Variants in NPAS3 observed in about 807,000 individuals in gnomAD.
NPAS3 encodes neuronal PAS domain-containing protein 3.
In NPAS3, 14 loss-of-function variants were observed where a neutral mutation model predicts 73.1. The ratio of observed to expected loss-of-function variants is 0.19; its 90% CI spans 0.13 to 0.30. The LOEUF is 0.30. Ranked by LOEUF, NPAS3 falls within the 10% of genes least tolerant of loss-of-function variation. The pLI is 1.00. For missense variants in NPAS3, 1,096 were observed against 1,250.0 expected (o/e 0.88, Z 1.86); for synonymous variants, 620 against 541.5 (o/e 1.14, Z -2.01).
intron 5 of NPAS3, among the ~76,000 whole-genome samples, chr14:33,578,963 G>T (rs2056556192): frequency 6.6e-6 from 1 of 152,244 alleles, no homozygotes. Context: ...ATTGAGAATA[G>T]ACTAATGTGC....
intron 4 of NPAS3, among the ~76,000 whole-genome samples, chr14:33,523,906 C>T (rs539324245): frequency 4.0e-5 from 6 of 148,506 alleles, no homozygotes; most frequent in South Asian, 2.1e-4. Context: ...AACACACCTA[C>T]GCCTTGAGAC....
At chr14:33,101,115 C>A (rs2042563881) in intron 2 of NPAS3, among the ~76,000 whole-genome samples, 1 of 152,012 alleles carries the variant, frequency 6.6e-6, no homozygotes, top group Non-Finnish European at 1.5e-5. Flanking sequence ...TTTCCCCAGA[C>A]ATACCATCAC....
intron 5 of NPAS3, among the ~76,000 whole-genome samples, chr14:33,572,882 G>C (rs2056275287): frequency 6.6e-6 from 1 of 151,986 alleles, no homozygotes; most frequent in Admixed American, 6.6e-5. Flanking sequence ...AATTAGCCAG[G>C]TGTGGTGGCG....
chr14:33,124,583 A>G (rs2043357143), intron 2 of NPAS3, among the ~76,000 whole-genome samples: 1 of 152,148 alleles, frequency 6.6e-6, no homozygotes, highest in South Asian at 2.1e-4. Flanking sequence ...TAAGGACTGA[A>G]AGAGGCATGT....
chr14:33,287,271 A>G (rs2041915618), intron 3 of NPAS3, among the ~76,000 whole-genome samples: 1 of 152,020 alleles, frequency 6.6e-6, no homozygotes, highest in Non-Finnish European at 1.5e-5. Context: ...AAGTTTTACA[A>G]TGTAGATTGC....
intron 4 of NPAS3, among the ~76,000 whole-genome samples, chr14:33,451,794 C>T (rs963923498): frequency 6.6e-6 from 1 of 152,078 alleles, no homozygotes; most frequent in East Asian, 1.9e-4. Flanking sequence ...TAAGGCTACT[C>T]AGAATTATAA....
chr14:33,004,682 A>C (rs1439310731), intron 1 of NPAS3, among the ~76,000 whole-genome samples: 1 of 152,074 alleles, frequency 6.6e-6, no homozygotes, highest in Non-Finnish European at 1.5e-5. Flanking sequence ...TTTACTTTAT[A>C]AACTTTTGAT....
At chr14:33,471,906 G>A (rs1371636298) in intron 4 of NPAS3, among the ~76,000 whole-genome samples, 2 of 152,172 alleles carry the variant, frequency 1.3e-5, no homozygotes, top group Non-Finnish European at 2.9e-5. Context: ...TCCAGCTCCT[G>A]TCAGATCAGT....
chr14:33,439,998 C>T (rs1196299745), intron 4 of NPAS3, among the ~76,000 whole-genome samples: 1 of 151,974 alleles, frequency 6.6e-6, no homozygotes, highest in African/African-American at 2.4e-5. Flanking sequence ...CGCCTGTAGT[C>T]CCAGCCACTC....
chr14:33,146,288 C>T (rs1362724798), intron 2 of NPAS3, among the ~76,000 whole-genome samples: 1 of 152,102 alleles, frequency 6.6e-6, no homozygotes, highest in Admixed American at 6.6e-5. Flanking sequence ...GTTATCCAGA[C>T]AAGGGTTTGC....
chr14:32,959,612 C>T (rs1430729918), intron 1 of NPAS3, among the ~76,000 whole-genome samples: 3 of 152,190 alleles, frequency 2.0e-5, no homozygotes, highest in Non-Finnish European at 4.4e-5. Flanking sequence ...TTCTCATAGA[C>T]AGAGACTTAA....
chr14:33,745,058 C>G (rs530087377), intron 7 of NPAS3, among the ~76,000 whole-genome samples: 196 of 152,006 alleles, frequency 1.3e-3, no homozygotes, highest in African/African-American at 4.4e-3. Flanking sequence ...CTGGGCAAAA[C>G]AGCAAGACCC....
At chr14:33,397,494 G>A (rs1167760041) in intron 4 of NPAS3, among the ~76,000 whole-genome samples, 2 of 152,032 alleles carry the variant, frequency 1.3e-5, no homozygotes, top group Non-Finnish European at 2.9e-5. Flanking sequence ...TTATGCTACT[G>A]TACAGTACTT....
chr14:33,759,591 G>A (rs187639111), intron 7 of NPAS3, among the ~76,000 whole-genome samples: 378 of 152,282 alleles, frequency 2.5e-3, no homozygotes, highest in Non-Finnish European at 4.2e-3. Context: ...TTTTGAATTT[G>A]TTTCTTCACT....
intron 2 of NPAS3, among the ~76,000 whole-genome samples, chr14:33,145,377 T>A (rs759735495): frequency 6.6e-6 from 1 of 152,222 alleles, no homozygotes; most frequent in Non-Finnish European, 1.5e-5. Context: ...AATCTGTCTT[T>A]GTATGGATCA....
intron 8 of NPAS3, among the ~76,000 whole-genome samples, chr14:33,775,838 A>G (rs1308994413): frequency 6.6e-6 from 1 of 152,248 alleles, no homozygotes; most frequent in Admixed American, 6.5e-5. Context: ...GTTCCTAATA[A>G]AGATGGCTGG....
rs528981424 is a variant in NPAS3, at chr14:33,301,975, C to T, written c.386-65211C>T. ...GAACACTGGCCTATTTCTGACATGA[C>T]TTGGAAGCTGGTGCCCTCTCCGTGC... On this transcript the variant is annotated intron_variant, in intron 3 of 11. Transcript: ENST00000356141. Among the ~76,000 whole-genome samples the T allele has an allele frequency of 2.0e-5, 3 of 152,276 alleles. No individual in the cohort carries two copies. The South Asian group carries it at 6.2e-4, about 32-fold the overall frequency.
chr14:33,076,731 A>C (rs2041671850), intron 2 of NPAS3, among the ~76,000 whole-genome samples: 1 of 152,250 alleles, frequency 6.6e-6, no homozygotes. Context: ...GAGTAATGTT[A>C]GCAAGAAACA....
chr14:33,794,933 C>G (rs2063467981), intron 10 of NPAS3, among the ~76,000 whole-genome samples: 1 of 152,156 alleles, frequency 6.6e-6, no homozygotes, highest in Non-Finnish European at 1.5e-5. Flanking sequence ...CCTAAAGCCA[C>G]CAAGCAGAGC....
Sources: gnomAD v4.1 joint callset for allele counts (sites outside exome capture counted in the v4.1 genomes callset) on GRCh38, gnomAD v4.1.1 for gene constraint, MANE v1.5 for transcripts, NCBI Gene and HGNC (gene_info 2026-07-23, HGNC 2026-07-21) for gene names.